CAPZB: variants seen among roughly 807,000 people sequenced by gnomAD.
The protein encoded by CAPZB is F-actin-capping protein subunit beta.
A neutral mutation model predicts 38.1 loss-of-function variants in CAPZB; 2 were observed. That is an observed-to-expected ratio of 0.05 (90% CI 0.02 to 0.17). CAPZB has a LOEUF of 0.17. CAPZB is among the 10% of genes least tolerant of loss of function. CAPZB has a pLI of 1.00. For missense variants in CAPZB, 161 were observed against 334.2 expected, an observed-to-expected ratio of 0.48 and a Z score of 4.04; for synonymous variants, 107 against 127.4, an observed-to-expected ratio of 0.84 and a Z score of 1.08.
At chr1:19,442,472 C>A (rs1461449378) in intron 1 of CAPZB, among the ~76,000 whole-genome samples, 3 of 152,164 alleles carry the variant, frequency 2.0e-5, no homozygotes, top group Non-Finnish European at 2.9e-5. Flanking sequence ...ACAAAAAGTT[C>A]TCTGAATTTA....
intron 1 of CAPZB, among the ~76,000 whole-genome samples, chr1:19,439,134 C>T (rs2094467638): frequency 6.6e-6 from 1 of 152,186 alleles, no homozygotes; most frequent in South Asian, 2.1e-4. Flanking sequence ...CAAGAAGCCT[C>T]CCGGCTTGGG....
chr1:19,372,160 C>A (rs2094122698), intron 4 of CAPZB, among the ~76,000 whole-genome samples: 1 of 152,212 alleles, frequency 6.6e-6, no homozygotes, highest in Admixed American at 6.5e-5. Flanking sequence ...AGGAAGAACA[C>A]AAAATACCCT....
chr1:19,441,218 C>T (rs181871891), intron 1 of CAPZB, among the ~76,000 whole-genome samples: 3 of 152,348 alleles, frequency 2.0e-5, no homozygotes, highest in East Asian at 3.9e-4. Context: ...CCATGCAGCT[C>T]GTGACCCAGC....
intron 2 of CAPZB, among the ~76,000 whole-genome samples, chr1:19,397,409 G>A (rs2094277412): frequency 6.6e-6 from 1 of 152,190 alleles, no homozygotes; most frequent in Non-Finnish European, 1.5e-5. Flanking sequence ...GCACAGGTAG[G>A]TTAAGCAACT....
chr1:19,358,886 G>A (rs889972328), intron 4 of CAPZB, among the ~76,000 whole-genome samples: 1 of 152,238 alleles, frequency 6.6e-6, no homozygotes, highest in Non-Finnish European at 1.5e-5. Context: ...TGCACTGGGT[G>A]GGTACAGGCT....
intron 1 of CAPZB, among the ~76,000 whole-genome samples, chr1:19,422,663 G>A (rs1034584173): frequency 2.0e-5 from 3 of 151,934 alleles, no homozygotes; most frequent in Non-Finnish European, 2.9e-5. Context: ...CATGAACCCG[G>A]GAGGCAGAGC....
intron 1 of CAPZB, among the ~76,000 whole-genome samples, chr1:19,446,542 C>T (rs1259819971): frequency 6.6e-6 from 1 of 152,092 alleles, no homozygotes; most frequent in Admixed American, 6.5e-5. Flanking sequence ...TTAAAATATT[C>T]ATAACCTCCT....
intron 1 of CAPZB, among the ~76,000 whole-genome samples, chr1:19,480,110 G>A (rs1216486549): frequency 6.6e-6 from 1 of 152,126 alleles, no homozygotes; most frequent in African/African-American, 2.4e-5. Context: ...GCACCCATGG[G>A]TCCCTGGCTA....
At chr1:19,397,007 A>C (rs1031414199) in intron 2 of CAPZB, among the ~76,000 whole-genome samples, 2 of 152,116 alleles carry the variant, frequency 1.3e-5, no homozygotes, top group Admixed American at 6.6e-5. Context: ...TGTCACCTGA[A>C]ATCTTTTTGG....
At chr1:19,471,369 T>G (rs985686886) in intron 1 of CAPZB, among the ~76,000 whole-genome samples, 3 of 152,178 alleles carry the variant, frequency 2.0e-5, no homozygotes, top group African/African-American at 7.2e-5. Flanking sequence ...AGTGGGAATT[T>G]TATCAGTTAA....
chr1:19,477,610 G>T (rs2094611399), intron 1 of CAPZB, among the ~76,000 whole-genome samples: 2 of 152,226 alleles, frequency 1.3e-5, no homozygotes, highest in African/African-American at 4.8e-5. Context: ...CGACGGAGAA[G>T]CCTTCAGCAG....
At chr1:19,429,529 G>C (rs982478641) in intron 1 of CAPZB, among the ~76,000 whole-genome samples, 1 of 152,154 alleles carries the variant, frequency 6.6e-6, no homozygotes, top group Non-Finnish European at 1.5e-5. Context: ...TTTAAAACCT[G>C]GGTCCGACGG....
chr1:19,374,502 A>AC (rs2094135125), intron 4 of CAPZB: 1 of 152,304 alleles, frequency 6.6e-6, no homozygotes, highest in African/African-American at 2.4e-5. Flanking sequence ...TGCTCTTCCA[A>AC]CCCCCAACCA....
chr1:19,447,622 T>G (rs2094501061), intron 1 of CAPZB, among the ~76,000 whole-genome samples: 2 of 152,130 alleles, frequency 1.3e-5, no homozygotes, highest in Non-Finnish European at 2.9e-5. Flanking sequence ...GAGTGTTGTG[T>G]GCATGCAGCA....
At chr1:19,445,638 C>A (rs149367499) in intron 1 of CAPZB, among the ~76,000 whole-genome samples, 25 of 152,208 alleles carry the variant, frequency 1.6e-4, no homozygotes, top group African/African-American at 5.5e-4. Flanking sequence ...AAAAAATAAT[C>A]CGCATGATTC....
chr1:19,424,945 A>G (rs943633694), intron 1 of CAPZB, among the ~76,000 whole-genome samples: 2 of 152,242 alleles, frequency 1.3e-5, no homozygotes, highest in East Asian at 3.8e-4. Context: ...CCAAGCCTCA[A>G]GGAACCAATT....
chr1:19,442,047 C>T (rs1018434367), intron 1 of CAPZB, among the ~76,000 whole-genome samples: 7 of 148,966 alleles, frequency 4.7e-5, no homozygotes, highest in African/African-American at 9.9e-5. Flanking sequence ...GAGGTATCCA[C>T]AGCCCTTAAA....
intron 1 of CAPZB, among the ~76,000 whole-genome samples, chr1:19,427,727 A>G (rs2100558557): frequency 6.6e-6 from 1 of 152,356 alleles, no homozygotes; most frequent in South Asian, 2.1e-4. Context: ...AACCACAAAC[A>G]CACGAATACT....
At chr1:19,355,494 C>CAA (rs11455973) in intron 6 of CAPZB, among the ~76,000 whole-genome samples, 464 of 102,732 alleles carry the variant, frequency 4.5e-3, no homozygotes, top group African/African-American at 0.015. Context: ...GACTCCGTCT[C>CAA]AAAAAAAAAA....
Sources: gnomAD v4.1 joint callset for allele counts (sites outside exome capture counted in the v4.1 genomes callset) on GRCh38, gnomAD v4.1.1 for gene constraint, MANE v1.5 for transcripts, NCBI Gene and HGNC (gene_info 2026-07-23, HGNC 2026-07-21) for gene names.